PTPRT: variants seen among roughly 807,000 people sequenced by gnomAD.
PTPRT encodes protein tyrosine phosphatase receptor type T.
A neutral mutation model predicts 176.8 loss-of-function variants in PTPRT; 56 were observed. The ratio of observed to expected loss-of-function variants is 0.32; its 90% CI spans 0.26 to 0.40. PTPRT has a LOEUF of 0.40. Ranked by LOEUF, PTPRT falls within the 10% of genes least tolerant of loss-of-function variation. The probability of loss-of-function intolerance (pLI) is 1.00; values close to 1 mark genes in which losing one functional copy is unlikely to be tolerated. For missense variants in PTPRT, 1,540 were observed against 1,908.2 expected, an observed-to-expected ratio of 0.81 and a Z score of 3.60; for synonymous variants, 783 against 739.0, an observed-to-expected ratio of 1.06 and a Z score of -0.96.
intron 15 of PTPRT, among the ~76,000 whole-genome samples, chr20:42,203,986 T>C (rs1410505793): frequency 6.6e-6 from 1 of 152,224 alleles, no homozygotes; most frequent in Non-Finnish European, 1.5e-5. Context: ...GCTGAGTGTC[T>C]GGCACATGGC....
At chr20:42,174,676 T>C (rs1353133522) in intron 16 of PTPRT, among the ~76,000 whole-genome samples, 4 of 152,054 alleles carry the variant, frequency 2.6e-5, no homozygotes, top group Non-Finnish European at 5.9e-5. Context: ...GCAAGTCCAA[T>C]AGGAAAGACT....
chr20:42,780,391 A>G, intron 3 of PTPRT, 92 bp from the exon 4 acceptor site: 1 of 950,170 alleles, frequency 1.1e-6, no homozygotes, highest in Admixed American at 1.9e-5. Flanking sequence ...TTATGTTTCA[A>G]CTTCCCATCA....
intron 9 of PTPRT, among the ~76,000 whole-genome samples, chr20:42,447,564 T>C (rs141789150): frequency 1.3e-5 from 2 of 152,292 alleles, no homozygotes; most frequent in African/African-American, 4.8e-5. Flanking sequence ...TGTTGGAGAT[T>C]TTTTTGTTTT....
chr20:42,112,779 C>G (rs1987071794), intron 22 of PTPRT, among the ~76,000 whole-genome samples: 1 of 152,182 alleles, frequency 6.6e-6, no homozygotes, highest in African/African-American at 2.4e-5. Flanking sequence ...TCTGGGAAAC[C>G]CAAACTAACA....
chr20:42,764,000 G>A (rs2076950529), intron 5 of PTPRT, among the ~76,000 whole-genome samples: 1 of 152,162 alleles, frequency 6.6e-6, no homozygotes, highest in Admixed American at 6.5e-5. Flanking sequence ...CTTTGTCTCT[G>A]ACCCAGAAGT....
intron 1 of PTPRT, among the ~76,000 whole-genome samples, chr20:43,140,200 T>C (rs1310214815): frequency 6.6e-6 from 1 of 152,222 alleles, no homozygotes; most frequent in Non-Finnish European, 1.5e-5. Context: ...CCTCGCTTTT[T>C]TCAATTCATC....
intron 7 of PTPRT, among the ~76,000 whole-genome samples, chr20:42,528,193 C>T (rs762089107): frequency 6.6e-6 from 1 of 152,104 alleles, no homozygotes; most frequent in Non-Finnish European, 1.5e-5. Context: ...AGATCTTTCT[C>T]TCACATTTTG....
At chr20:42,562,271 C>G (rs920347964) in intron 7 of PTPRT, among the ~76,000 whole-genome samples, 2 of 152,182 alleles carry the variant, frequency 1.3e-5, no homozygotes, top group African/African-American at 4.8e-5. Flanking sequence ...TAATGCCACA[C>G]CCCCATAGGG....
intron 1 of PTPRT, among the ~76,000 whole-genome samples, chr20:43,044,595 C>G (rs970788536): frequency 6.6e-6 from 1 of 152,146 alleles, no homozygotes; most frequent in African/African-American, 2.4e-5. Context: ...ACCTCCCTGC[C>G]GCATGCCCTT....
At chr20:42,358,848 T>C (rs990562806) in intron 9 of PTPRT, among the ~76,000 whole-genome samples, 1 of 152,194 alleles carries the variant, frequency 6.6e-6, no homozygotes, top group Non-Finnish European at 1.5e-5. Flanking sequence ...TCCTTGGTAG[T>C]GTGTCTTTGT....
chr20:42,343,773 T>A (rs1039106135), intron 11 of PTPRT, among the ~76,000 whole-genome samples: 10 of 152,154 alleles, frequency 6.6e-5, no homozygotes, highest in African/African-American at 2.4e-4. Context: ...AGATCTCACA[T>A]GAGTGCTGGA....
chr20:42,476,516 G>A (rs1321431513), intron 7 of PTPRT, among the ~76,000 whole-genome samples: 1 of 152,186 alleles, frequency 6.6e-6, no homozygotes, highest in Non-Finnish European at 1.5e-5. Flanking sequence ...GGGACCAGAG[G>A]CAAAGGAACC....
At chr20:42,236,279 A>G (rs2056240657) in intron 14 of PTPRT, 21 bp from the exon 15 acceptor site, 2 of 1,572,222 alleles carry the variant, frequency 1.3e-6, no homozygotes, top group South Asian at 1.1e-5. Context: ...ATGGGCAGTC[A>G]GATGAAGGAA....
Position 42,141,973 on chromosome 20 carries a change from C to G in PTPRT, c.2712G>C (p.Trp904Cys). ...EALPEGQTAS[W>C]DTAKEDENRN... is the part of the protein sequence containing the mutation. ...GGTTTTCATCCTCCTTGGCTGTGTC[C>G]CACGAAGCTGTCTGCCCCTCTGGTA... The change falls in exon 18 of 31, where the codon TGG (tryptophan) becomes TGC (cysteine). Residue 904 changes from tryptophan (W) to cysteine (C), a missense_variant. This residue lies in a region of PTPRT where 248 missense variants were observed against 356.7 expected (regional missense o/e 0.70). Transcript: ENST00000373187. 9 of 1,614,090 alleles carry G rather than the reference C, an allele frequency of 5.6e-6. No homozygotes were observed. The highest frequency in any genetic ancestry group is 7.6e-6 in the Non-Finnish European group (9 of 1,179,982).
chr20:42,457,095 A>G (rs2070937574), intron 8 of PTPRT, among the ~76,000 whole-genome samples: 1 of 152,188 alleles, frequency 6.6e-6, no homozygotes, highest in Non-Finnish European at 1.5e-5. Flanking sequence ...ATCATCATTT[A>G]TCTTGGTTAC....
chr20:43,168,735 T>A (rs942215239), intron 1 of PTPRT, among the ~76,000 whole-genome samples: 1 of 152,102 alleles, frequency 6.6e-6, no homozygotes, highest in African/African-American at 2.4e-5. Flanking sequence ...TTCTGGGACC[T>A]CTTCCCTCTC....
intron 9 of PTPRT, among the ~76,000 whole-genome samples, chr20:42,412,204 A>G (rs1183860259): frequency 2.0e-5 from 3 of 152,252 alleles, no homozygotes; most frequent in Admixed American, 2.0e-4. Context: ...AAGAACTTTG[A>G]AGTTCAGTGG....
chr20:43,077,918 A>G (rs779153144), intron 1 of PTPRT, among the ~76,000 whole-genome samples: 1 of 152,188 alleles, frequency 6.6e-6, no homozygotes, highest in Non-Finnish European at 1.5e-5. Flanking sequence ...ATTTGTCCTA[A>G]TTAATGACTA....
At chr20:42,619,944 C>G (rs967657359) in intron 7 of PTPRT, among the ~76,000 whole-genome samples, 13 of 148,856 alleles carry the variant, frequency 8.7e-5, no homozygotes, top group Non-Finnish European at 1.8e-4. Flanking sequence ...CTCAGCTCGT[C>G]AAAGTCATTC....
Sources: gnomAD v4.1 joint callset for allele counts (sites outside exome capture counted in the v4.1 genomes callset) on GRCh38, gnomAD v4.1.1 for gene constraint, gnomAD v4.1.1 regional missense constraint, MANE v1.5 for transcripts, NCBI Gene and HGNC (gene_info 2026-07-23, HGNC 2026-07-21) for gene names.